VIPR1: variants seen among roughly 807,000 people sequenced by gnomAD.
VIPR1 encodes the protein vasoactive intestinal peptide receptor 1, also known as vasoactive intestinal polypeptide receptor 1.
A neutral mutation model predicts 58.8 loss-of-function variants in VIPR1; 59 were observed. The ratio of observed to expected loss-of-function variants is 1.00; its 90% CI spans 0.81 to 1.25. The LOEUF is 1.25. Among genes scored for constraint, VIPR1 ranks in the 50% most tolerant of loss-of-function variants. VIPR1 has a pLI of 0.00. For synonymous variants in VIPR1, 251 were observed against 242.1 expected (o/e 1.04, Z -0.34); for missense variants, 626 against 602.7 (o/e 1.04, Z -0.40).
chr3:42,496,628 T>A (rs946020911), intron 1 of VIPR1, among the ~76,000 whole-genome samples: 3 of 152,228 alleles, frequency 2.0e-5, no homozygotes, highest in African/African-American at 4.8e-5. Flanking sequence ...GCATAGACGT[T>A]TGGCATTTTT....
chr3:42,505,965 G>T (rs1261898394), intron 1 of VIPR1, among the ~76,000 whole-genome samples: 1 of 152,194 alleles, frequency 6.6e-6, no homozygotes, highest in Non-Finnish European at 1.5e-5. Flanking sequence ...TTTCAAGCAG[G>T]ACTTCTGTGA....
intron 9 of VIPR1, 72 bp downstream of exon 9, chr3:42,531,941 A>C: frequency 6.4e-7 from 1 of 1,554,076 alleles, no homozygotes; most frequent in Non-Finnish European, 8.9e-7. Flanking sequence ...CCAAGGTCAC[A>C]TGGGAAATTA....
rs201907436 is a variant in VIPR1, at chr3:42,532,321, G to A, written c.998G>A (p.Ser333Asn). The change falls in exon 10 of 13, where the codon AGC becomes AAC. Residue 333 changes from serine to asparagine, a missense_variant. Coordinates refer to ENST00000325123, the MANE Select transcript of VIPR1 (RefSeq NM_004624.4). Reference sequence around the variant, plus strand: ...CCCCCAGATATCAGGAAGAGTGACAGCAGTCCATACTCGTGAGTGTGGGCC... The same window carrying A: ...CCCCCAGATATCAGGAAGAGTGACAACAGTCCATACTCGTGAGTGTGGGCC... Reference protein sequence around the residue: ...LRPPDIRKSDSSPYSRLARST... With the variant: ...LRPPDIRKSDNSPYSRLARST... 45 of 1,613,998 alleles carry A rather than the reference G, an allele frequency of 2.8e-5. No individual in the cohort carries two copies. The highest frequency in any genetic ancestry group is 3.7e-5 in the Non-Finnish European group (44 of 1,180,018).
Position 42,513,771 on chromosome 3 carries a change from A to G in VIPR1, c.101A>G (p.Gln34Arg). The change falls in exon 2 of 13, where the codon CAG becomes CGG. Residue 34 changes from glutamine (Q) to arginine (R), a missense_variant. Gln to Arg is a conservative substitution (Grantham distance 43). Coordinates refer to ENST00000325123, the MANE Select transcript of VIPR1 (RefSeq NM_004624.4). ...CAGGGCGGCCAGGCGGCCAGGCTGC[A>G]GGAGGAGTGTGACTATGTGCAGATG... ...GPAGGQAARL[Q>R]EECDYVQMIE... 6.4e-7 allele frequency: 1 copy of G among 1,551,498 alleles called. No homozygotes were observed. Among genetic ancestry groups the G allele is most frequent in the Non-Finnish European group, 8.7e-7 (1 of 1,146,888 alleles).
At chr3:42,532,682 A>G in intron 10 of VIPR1, 12 of 364,616 alleles carry the variant, frequency 3.3e-5, no homozygotes, top group Non-Finnish European at 4.7e-5. Flanking sequence ...ACATGGAAAA[A>G]GGGTGCAATA....
Position 42,528,053 on chromosome 3 carries a change from C to T in VIPR1, c.566C>T (p.Ala189Val). The change falls in exon 6 of 13, where the codon GCT becomes GTT. Residue 189 changes from alanine (A) to valine (V), a missense_variant. Transcript: ENST00000325123. ...MHLFISFILRAAAVFIKDLAL... is the reference protein window; with the variant it reads ...MHLFISFILRVAAVFIKDLAL... The stretch of plus-strand genomic sequence containing the variant: ...CTCTTCATATCCTTCATCCTGAGGG[C>T]TGCCGCTGTCTTCATCAAAGACTTG... The T allele has an allele frequency of 6.2e-7, 1 of 1,614,108 alleles. No individual in the cohort carries two copies. Among genetic ancestry groups the T allele is most frequent in the Non-Finnish European group, 8.5e-7 (1 of 1,179,972 alleles).
In VIPR1 at chr3:42,535,046, C is replaced by T. The variant is rs561257379; in HGVS notation, c.1082C>T (p.Pro361Leu). Reference protein sequence around the residue: ...GVHYIMFAFFPDNFKPEVKMV... With the variant: ...GVHYIMFAFFLDNFKPEVKMV... ...CACTACATCATGTTCGCCTTCTTTC[C>T]GGACAATTTTAAGCCTGAAGTGAAG... Residue 361 changes from proline (P) to leucine (L), a missense_variant, in exon 11 of 13, where the codon CCG becomes CTG. Pro to Leu is a moderately conservative substitution (Grantham distance 98). Transcript: ENST00000325123. 97 of 1,614,188 alleles carry T rather than the reference C, an allele frequency of 6.0e-5. No homozygotes were observed. The highest frequency in any genetic ancestry group is 1.6e-4 in the Middle Eastern group (1 of 6,062).
chr3:42,494,736 T>C (rs190757232), intron 1 of VIPR1, among the ~76,000 whole-genome samples: 1 of 152,238 alleles, frequency 6.6e-6, no homozygotes, highest in Admixed American at 6.5e-5. Flanking sequence ...GTTTTTATAG[T>C]TACTAATTCC....
In VIPR1 at chr3:42,535,414, G is replaced by A. The variant is rs1701792195; in HGVS notation, c.1182+30G>A. 3 of 1,610,392 alleles carry A rather than the reference G, an allele frequency of 1.9e-6. No individual in the cohort carries two copies. The African/African-American group carries it at 4.0e-5, about 22-fold the overall frequency. On this transcript the variant is annotated intron_variant, in intron 12 of 12. Transcript: ENST00000325123. ...GCCCCTCCCAGTCCTTGGGGCTTAG[G>A]CAATGGAACTCCCAGGACCAGGGTC...
At position 42,502,793 on chromosome 3, in the gene VIPR1, G is replaced by T; in HGVS notation, c.58G>T (p.Ala20Ser). The change falls in exon 1 of 13, where the codon GCC (alanine) becomes TCC (serine). Residue 20 changes from alanine to serine, a missense_variant. Ala to Ser is a moderately conservative substitution (Grantham distance 99, BLOSUM62 1). Coordinates refer to ENST00000325123, the MANE Select transcript of VIPR1 (RefSeq NM_004624.4). The part of the protein sequence containing the change: ...RWLCVLAGAL[A>S]WALGPAGGQA... ...GCTATGCGTGCTGGCAGGCGCCCTC[G>T]CCTGGGCCCTTGGGCCGGCGGTGAG... The T allele has an allele frequency of 3.9e-6, 5 of 1,274,142 alleles. No individual in the cohort carries two copies. Among genetic ancestry groups the T allele is most frequent in the Non-Finnish European group, 4.9e-6 (5 of 1,012,138 alleles). The allele number at this position is 1,274,142 out of a possible 1,614,324, so 78.9% of individuals were successfully genotyped here. A position where few individuals can be genotyped will look rare whatever the true frequency, so the allele number is the denominator to read the frequency against.
chr3:42,490,447 G>A (rs342518), intron 1 of VIPR1, among the ~76,000 whole-genome samples: 110,477 of 152,188 alleles, frequency 0.73, 41,329 homozygotes, highest in East Asian at 0.92. Flanking sequence ...ATAAAGAGGA[G>A]GCGAGAGAGG....
intron 3 of VIPR1, among the ~76,000 whole-genome samples, chr3:42,525,455 A>T (rs1034167693): frequency 5.1e-4 from 76 of 148,136 alleles, no homozygotes; most frequent in African/African-American, 1.8e-3. Flanking sequence ...CCAGCCCCAC[A>T]GGCCCAGGCA....
chr3:42,505,179 C>T (rs1019884883), intron 1 of VIPR1, among the ~76,000 whole-genome samples: 1 of 152,178 alleles, frequency 6.6e-6, no homozygotes, highest in African/African-American at 2.4e-5. Flanking sequence ...GGGGTACAGC[C>T]TCCTAGAACT....
chr3:42,531,692 CG>C, intron 8 of VIPR1, 110 bp from the exon 9 acceptor site: 1 of 1,549,038 alleles, frequency 6.5e-7, no homozygotes, highest in Non-Finnish European at 8.9e-7. Context: ...ACTCTGGGCC[CG>C]GGGTTGCTAA....
At position 42,536,370 on chromosome 3, in the gene VIPR1, C is replaced by G; in HGVS notation, c.*89C>G. ...CCGGGGACAGAGGCCTGCCCGGGCG[C>G]GGCCAGCCCCGGCCCTGGGCTCGGA... is the stretch of plus-strand genomic sequence containing the variant. On this transcript the variant is annotated 3_prime_UTR_variant, in exon 13 of 13. Transcript: ENST00000325123. The G allele has an allele frequency of 7.4e-7, 1 of 1,358,416 alleles. No homozygotes were observed. Among genetic ancestry groups the G allele is most frequent in the South Asian group, 1.6e-5 (1 of 64,316 alleles). 84.1% of individuals were successfully genotyped at this position (1,358,416 alleles called of 1,614,324 possible).
chr3:42,514,702 C>A (rs1700539116), intron 2 of VIPR1, among the ~76,000 whole-genome samples: 1 of 152,094 alleles, frequency 6.6e-6, no homozygotes, highest in Non-Finnish European at 1.5e-5. Flanking sequence ...TCAAGGTCAG[C>A]CCCAGGGGCT....
chr3:42,498,195 G>C (rs1388599759), upstream of VIPR1, among the ~76,000 whole-genome samples: 3 of 152,322 alleles, frequency 2.0e-5, no homozygotes, highest in South Asian at 2.1e-4. Flanking sequence ...CAACTGTGAG[G>C]AGGGCAATGA....
chr3:42,503,347 AC>A (rs1699959678), intron 1 of VIPR1, among the ~76,000 whole-genome samples: 1 of 152,056 alleles, frequency 6.6e-6, no homozygotes, highest in Non-Finnish European at 1.5e-5. Context: ...GTGCCCTCCC[AC>A]TGAGCAAAGC....
Position 42,535,330 on chromosome 3 carries a change from T to C in VIPR1, c.1141-13T>C. On this transcript the variant is annotated splice_polypyrimidine_tract_variant and intron_variant, in intron 11 of 12. Coordinates refer to ENST00000325123, the MANE Select transcript of VIPR1 (RefSeq NM_004624.4). ...TCTGTCTACCTCACCTCTCCTGTCA[T>C]CTTCCTTCTCAGGGTTTTGTGGTGG... 1 of 1,614,134 alleles carries C rather than the reference T, an allele frequency of 6.2e-7. No homozygotes were observed. Among genetic ancestry groups the C allele is most frequent in the Non-Finnish European group, 8.5e-7 (1 of 1,180,002 alleles).
Sources: allele counts gnomAD v4.1 joint callset (sites outside exome capture counted in the v4.1 genomes callset), GRCh38; gene constraint gnomAD v4.1.1; transcripts MANE v1.5; gene names NCBI Gene and HGNC (gene_info 2026-07-23, HGNC 2026-07-21).